PRUNE2: variants seen among roughly 807,000 people sequenced by gnomAD.
PRUNE2 encodes protein prune homolog 2.
Under a neutral mutation model 252.0 loss-of-function variants are expected in PRUNE2, and 164 were observed. That is an observed-to-expected ratio of 0.65 (90% CI 0.57 to 0.74). The LOEUF is 0.74. PRUNE2 is among the 30% of genes least tolerant of loss of function. The pLI is 0.00. For missense variants in PRUNE2, 3,495 were observed against 3,711.0 expected (o/e 0.94, Z 1.51); for synonymous variants, 1,292 against 1,350.2 (o/e 0.96, Z 0.94).
chr9:76,866,906 G>A (rs1453883353), intron 1 of PRUNE2, among the ~76,000 whole-genome samples: 1 of 152,154 alleles, frequency 6.6e-6, no homozygotes, highest in Non-Finnish European at 1.5e-5. Context: ...TTTCCGCCCG[G>A]TGCTGTGAAC....
chr9:76,841,912 CATTGAATCTGCTATCCCT>C (rs2059414044), intron 4 of PRUNE2, among the ~76,000 whole-genome samples: 1 of 152,164 alleles, frequency 6.6e-6, no homozygotes, highest in African/African-American at 2.4e-5. Flanking sequence ...GCTCTATCCC[CATTGAATCTGCTATCCCT>C]ATTGAATCCC....
At chr9:76,833,097 G>A (rs2058754460) in intron 4 of PRUNE2, among the ~76,000 whole-genome samples, 1 of 151,822 alleles carries the variant, frequency 6.6e-6, no homozygotes, top group Admixed American at 6.6e-5. Flanking sequence ...GAAAATGAGA[G>A]ATTTCCCAAA....
chr9:76,813,584 A>C (rs1178900545), intron 6 of PRUNE2, among the ~76,000 whole-genome samples: 4 of 152,246 alleles, frequency 2.6e-5, no homozygotes, highest in African/African-American at 4.8e-5. Flanking sequence ...GTTGACAAAC[A>C]AATGAAGTTC....
chr9:76,786,183 C>A lies in PRUNE2; in HGVS notation c.756+37449G>T, dbSNP rs377296186. 2.0e-5 allele frequency: 3 copies of A among 152,242 alleles called. No homozygotes were observed. The South Asian group carries it at 6.2e-4, about 32-fold the overall frequency. 9.4% of individuals were successfully genotyped at this position (152,242 alleles called of 1,614,324 possible). A position where few individuals can be genotyped will look rare whatever the true frequency, so the allele number is the denominator to read the frequency against. Reference sequence around the variant, plus strand: ...CCAGGTTTGGAGAGGATTCAGACAGCTCAGGTGCTTTCACTAATGTCTCTG... The same window carrying A: ...CCAGGTTTGGAGAGGATTCAGACAGATCAGGTGCTTTCACTAATGTCTCTG... On this transcript the variant is annotated intron_variant, in intron 6 of 18. Coordinates refer to ENST00000376718, the MANE Select transcript of PRUNE2 (RefSeq NM_015225.3).
intron 12 of PRUNE2, 118 bp from the exon 13 acceptor site, chr9:76,638,406 C>A: frequency 1.5e-6 from 1 of 672,768 alleles, no homozygotes. Context: ...ATATTAGCAG[C>A]ATGAAATGGG....
chr9:76,753,104 A>G (rs963808286), intron 6 of PRUNE2, among the ~76,000 whole-genome samples: 1 of 152,096 alleles, frequency 6.6e-6, no homozygotes, highest in African/African-American at 2.4e-5. Flanking sequence ...ATCACAACTT[A>G]CTAGAGTCTC....
intron 1 of PRUNE2, among the ~76,000 whole-genome samples, chr9:76,855,082 A>AAAAAAAAAAAAATAT (rs1490285240): frequency 9.1e-6 from 1 of 109,416 alleles, no homozygotes; most frequent in African/African-American, 3.8e-5. Flanking sequence ...AAAAAAAAAA[A>AAAAAAAAAAAAATAT]ATATATATAT....
chr9:76,832,143 T>C (rs906330679), intron 4 of PRUNE2, among the ~76,000 whole-genome samples: 1 of 152,022 alleles, frequency 6.6e-6, no homozygotes, highest in African/African-American at 2.4e-5. Context: ...AGATGAAAAA[T>C]GAGATAAATA....
chr9:76,749,135 G>A (rs576979395), intron 6 of PRUNE2, among the ~76,000 whole-genome samples: 1 of 152,332 alleles, frequency 6.6e-6, no homozygotes, highest in Non-Finnish European at 1.5e-5. Context: ...TCGGTTCCAT[G>A]TAGAAACTAA....
At chr9:76,824,638 T>C (rs928243885) in intron 5 of PRUNE2, among the ~76,000 whole-genome samples, 1 of 152,182 alleles carries the variant, frequency 6.6e-6, no homozygotes. Context: ...CGACATTTAA[T>C]TCTCGCGCTA....
In PRUNE2 at chr9:76,707,271, T is replaced by C; in HGVS notation, c.5003A>G (p.Asp1668Gly). ...IASYQEKNEH[D>G]ISATVQPEDA... is the part of the protein sequence containing the mutation. Reference sequence around the variant, plus strand: ...CTCTGGCTGCACAGTTGCAGAAATGTCATGTTCATTTTTCTCCTGGTAGCT... The same window carrying C: ...CTCTGGCTGCACAGTTGCAGAAATGCCATGTTCATTTTTCTCCTGGTAGCT... The change falls in exon 8 of 19, where the codon GAC (aspartate) becomes GGC (glycine). Residue 1668 changes from aspartate (D) to glycine (G), a missense_variant. Asp to Gly is a moderately conservative substitution (Grantham distance 94). Transcript: ENST00000376718. 1 of 1,613,964 alleles carries C rather than the reference T, an allele frequency of 6.2e-7. No individual in the cohort carries two copies. The highest frequency in any genetic ancestry group is 8.5e-7 in the Non-Finnish European group (1 of 1,179,884).
At chr9:76,690,304 G>C (rs939387574) in intron 9 of PRUNE2, among the ~76,000 whole-genome samples, 2 of 152,186 alleles carry the variant, frequency 1.3e-5, no homozygotes, top group African/African-American at 4.8e-5. Flanking sequence ...GCAGGAACTT[G>C]GTTCATGTAA....
intron 15 of PRUNE2, among the ~76,000 whole-genome samples, chr9:76,636,120 A>G (rs1839955427): frequency 6.6e-6 from 1 of 152,160 alleles, no homozygotes; most frequent in South Asian, 2.1e-4. Flanking sequence ...TTCCATTGTC[A>G]TATTACTCTA....
At position 76,706,749 on chromosome 9, in the gene PRUNE2, C is replaced by T. The variant is rs969980186; in HGVS notation, c.5525G>A (p.Ser1842Asn). The T allele has an allele frequency of 3.1e-6, 5 of 1,612,288 alleles. No individual in the cohort carries two copies. In the African/African-American group the frequency reaches 5.3e-5, roughly 17 times the overall value. The change falls in exon 8 of 19, where the codon AGT becomes AAT. Residue 1842 changes from serine to asparagine, a missense_variant. Ser to Asn is a conservative substitution (Grantham distance 46). Coordinates refer to ENST00000376718, the MANE Select transcript of PRUNE2 (RefSeq NM_015225.3). The part of the protein sequence containing the change: ...ASPQEGRLIE[S>N]PFERELSDSS... ...GTCAGACAGCTCCCTTTCAAATGGA[C>T]TTTCAATTAGTCTCCCTTCCTGGGG... is the stretch of plus-strand genomic sequence containing the variant.
intron 6 of PRUNE2, among the ~76,000 whole-genome samples, chr9:76,780,523 T>TA (rs201425099): frequency 2.0e-3 from 296 of 150,638 alleles, no homozygotes; most frequent in African/African-American, 5.6e-3. Context: ...CTGTTTCTAA[T>TA]AAAAAAAAAT....
chr9:76,731,324 A>ATATAT (rs1332074252), intron 6 of PRUNE2, among the ~76,000 whole-genome samples: 6 of 106,792 alleles, frequency 5.6e-5, no homozygotes, highest in African/African-American at 1.4e-4. Context: ...ATATATATAT[A>ATATAT]TTTTTTTTTT....
chr9:76,626,923 G>T (rs1835049909), intron 16 of PRUNE2, among the ~76,000 whole-genome samples: 1 of 152,134 alleles, frequency 6.6e-6, no homozygotes, highest in Non-Finnish European at 1.5e-5. Flanking sequence ...AGAGGTAGGA[G>T]AGAAGGTTCA....
chr9:76,644,021 T>C (rs1469550103), intron 12 of PRUNE2, among the ~76,000 whole-genome samples: 1 of 152,178 alleles, frequency 6.6e-6, no homozygotes, highest in East Asian at 1.9e-4. Context: ...AGAATCAAAA[T>C]GCTGTCGAGG....
chr9:76,746,541 TAAAAATACAA>T (rs2050122384), intron 6 of PRUNE2, among the ~76,000 whole-genome samples: 1 of 150,824 alleles, frequency 6.6e-6, no homozygotes, highest in African/African-American at 2.4e-5. Context: ...CCGTCTCTAC[TAAAAATACAA>T]AAAATTAGCC....
Sources: allele counts gnomAD v4.1 joint callset (sites outside exome capture counted in the v4.1 genomes callset), GRCh38; gene constraint gnomAD v4.1.1; transcripts MANE v1.5; gene names NCBI Gene and HGNC (gene_info 2026-07-23, HGNC 2026-07-21).